The following TRMT44 variants were observed in gnomAD, a reference collection of about 807,000 sequenced individuals.
TRMT44 encodes tRNA methyltransferase 44 homolog.
Under a neutral mutation model 77.3 loss-of-function variants are expected in TRMT44, and 78 were observed. The ratio of observed to expected loss-of-function variants is 1.01; its 90% CI spans 0.84 to 1.22. The LOEUF (loss-of-function observed/expected upper bound fraction) is 1.22, where lower values mean the gene tolerates loss of function less well. TRMT44 is among the 50% of genes most tolerant of loss of function. TRMT44 has a pLI of 0.00. For synonymous variants in TRMT44, 391 were observed against 383.3 expected (o/e 1.02, Z -0.23); for missense variants, 1,090 against 964.4 (o/e 1.13, Z -1.73).
intron 2 of TRMT44, among the ~76,000 whole-genome samples, chr4:8,486,760 C>G (rs565926902): frequency 2.0e-4 from 30 of 152,180 alleles, no homozygotes; most frequent in African/African-American, 7.0e-4. Context: ...GAGTAAATTG[C>G]TGGGCAGATG....
intron 6 of TRMT44, among the ~76,000 whole-genome samples, chr4:8,459,832 G>A (rs1726038800): frequency 6.6e-6 from 1 of 152,216 alleles, no homozygotes; most frequent in Non-Finnish European, 1.5e-5. Context: ...ATGGGAAGGG[G>A]TGGGAGGCAG....
chr4:8,494,638 T>A (rs1297429065), downstream of TRMT44, among the ~76,000 whole-genome samples: 1 of 152,192 alleles, frequency 6.6e-6, no homozygotes, highest in Non-Finnish European at 1.5e-5. Flanking sequence ...CCTAAAAATG[T>A]ATAAAAGCAA....
At chr4:8,506,607 C>T in the TRMT44 span, among the ~76,000 whole-genome samples, 13,568 of 152,232 alleles carry the variant, frequency 0.089, 688 homozygotes, top group Middle Eastern at 0.12. Context: ...GGGGTCCTCT[C>T]GGGCTGGGAG....
chr4:8,505,846 A>C, the TRMT44 span, among the ~76,000 whole-genome samples: 1 of 152,072 alleles, frequency 6.6e-6, no homozygotes, highest in Non-Finnish European at 1.5e-5. Flanking sequence ...AGTTCTCATG[A>C]GGTTTGATGG....
intron 2 of TRMT44, among the ~76,000 whole-genome samples, chr4:8,491,148 G>A (rs535768835): frequency 6.6e-6 from 1 of 151,082 alleles, no homozygotes; most frequent in South Asian, 2.1e-4. Flanking sequence ...CAGAGTGTCC[G>A]ATTGGTGTAT....
chr4:8,500,490 C>T, the TRMT44 span, among the ~76,000 whole-genome samples: 11 of 151,792 alleles, frequency 7.2e-5, no homozygotes, highest in African/African-American at 2.7e-4. Context: ...AGCGAGACTC[C>T]CTCTGGAAAA....
At chr4:8,449,304 C>T (rs917483624) in intron 2 of TRMT44, among the ~76,000 whole-genome samples, 1 of 152,246 alleles carries the variant, frequency 6.6e-6, no homozygotes, top group Non-Finnish European at 1.5e-5. Flanking sequence ...CCAGTATACT[C>T]ATTTGAGTTG....
chr4:8,470,719 T>G (rs1726922049), intron 9 of TRMT44, among the ~76,000 whole-genome samples: 6 of 151,856 alleles, frequency 4.0e-5, no homozygotes, highest in Admixed American at 3.9e-4. Context: ...CAGCTTGGCC[T>G]TCCTTCTTTA....
chr4:8,462,637 G>A (rs1377089032), intron 6 of TRMT44, among the ~76,000 whole-genome samples: 1 of 149,668 alleles, frequency 6.7e-6, no homozygotes, highest in African/African-American at 2.5e-5. Context: ...CCTGGGAAGC[G>A]GAGGTTGCAG....
At chr4:8,479,000 G>A (rs566929880), downstream of TRMT44, 35 of 152,352 alleles carry the variant, frequency 2.3e-4, no homozygotes, top group South Asian at 1.0e-3. Flanking sequence ...CTCGTGGCAT[G>A]GCCAAGCCCT....
the TRMT44 span, among the ~76,000 whole-genome samples, chr4:8,515,429 G>A: frequency 2.6e-5 from 4 of 152,220 alleles, no homozygotes; most frequent in Non-Finnish European, 5.9e-5. Flanking sequence ...ATAGAATGAC[G>A]AGAGCAGTTG....
At chr4:8,480,867 A>C (rs1328973639), downstream of TRMT44, among the ~76,000 whole-genome samples, 1 of 152,234 alleles carries the variant, frequency 6.6e-6, no homozygotes, top group Non-Finnish European at 1.5e-5. Flanking sequence ...ATTACAAGTC[A>C]AGGAAGAAAA....
At chr4:8,445,569 CA>C (rs1403849447) in intron 1 of TRMT44, among the ~76,000 whole-genome samples, 2 of 152,238 alleles carry the variant, frequency 1.3e-5, no homozygotes, top group Non-Finnish European at 2.9e-5. Flanking sequence ...CCAGGTGCCC[CA>C]TGGCACACTC....
chr4:8,497,378 G>T (rs1211327433), downstream of TRMT44, among the ~76,000 whole-genome samples: 1 of 152,036 alleles, frequency 6.6e-6, no homozygotes, highest in Non-Finnish European at 1.5e-5. Context: ...GGGCACGGTG[G>T]CTCACGCCTG....
downstream of TRMT44, among the ~76,000 whole-genome samples, chr4:8,494,404 T>C (rs1728094908): frequency 6.6e-6 from 1 of 152,200 alleles, no homozygotes; most frequent in Non-Finnish European, 1.5e-5. Flanking sequence ...AATGCATACC[T>C]GATGGCTTCC....
downstream of TRMT44, among the ~76,000 whole-genome samples, chr4:8,498,180 C>G (rs1728204340): frequency 6.6e-6 from 1 of 152,150 alleles, no homozygotes; most frequent in Non-Finnish European, 1.5e-5. This position sits in a 1 kb window ranked among gnomAD's most constrained non-coding sequence, Gnocchi z 4.3. Flanking sequence ...GCTGTGAACT[C>G]CATCCCCTGA....
Position 8,461,238 on chromosome 4 carries a change from A to G in TRMT44, c.1204-2747A>G, listed in dbSNP as rs1398938130. Among the ~76,000 whole-genome samples, 1 of 152,246 alleles carries G rather than the reference A, an allele frequency of 6.6e-6. No homozygotes were observed. The highest frequency in any genetic ancestry group is 1.5e-5 in the Non-Finnish European group (1 of 68,014). On this transcript the variant is annotated intron_variant, in intron 6 of 10. Transcript: ENST00000389737. This position sits in a 1 kb window ranked among gnomAD's most constrained non-coding sequence, Gnocchi z 4.6. ...GTCCACTCATACATTACATTAGGAA[A>G]TGTTTTCAAAACCTCAGGTTTGAGG...
In TRMT44 at chr4:8,441,014, C is replaced by T; in HGVS notation, c.192C>T (p.Gly64=). 1 of 1,513,976 alleles carries T rather than the reference C, an allele frequency of 6.6e-7. No individual in the cohort carries two copies. Among genetic ancestry groups the T allele is most frequent in the Non-Finnish European group, 8.8e-7 (1 of 1,138,128 alleles). The allele number at this position is 1,513,976 out of a possible 1,614,324, so 93.8% of individuals were successfully genotyped here. ...AEARGPGTSA[G]SEQKERGPGP... The stretch of plus-strand genomic sequence containing the variant: ...CCCGCGGCCCCGGGACTAGCGCAGG[C>T]TCGGAGCAGAAGGAGCGGGGTCCGG... The change falls in exon 1 of 11, where the codon GGC becomes GGT. Residue 64 remains glycine, a synonymous_variant. Transcript: ENST00000389737.
chr4:8,463,998 C>T lies in TRMT44; in HGVS notation c.1217C>T (p.Thr406Ile), dbSNP rs764902038. The part of the protein sequence containing the change: ...PQTQLEEDAI[T>I]PNDKTLFPDV... ...TTATTCCTTTAGGAAGATGCAATCA[C>T]ACCCAATGATAAGACCCTTTTCCCT... The change falls in exon 7 of 11, where the codon ACA becomes ATA. Residue 406 changes from threonine to isoleucine, a missense_variant. Thr to Ile is a moderately conservative substitution (Grantham distance 89). Transcript: ENST00000389737. 2.8e-5 allele frequency: 45 copies of T among 1,613,784 alleles called. No individual in the cohort carries two copies. Among genetic ancestry groups the T allele is most frequent in the Non-Finnish European group, 3.6e-5 (43 of 1,179,812 alleles).
Sources: gnomAD v4.1 joint callset for allele counts (sites outside exome capture counted in the v4.1 genomes callset) on GRCh38, gnomAD v4.1.1 for gene constraint, Gnocchi (gnomAD v3.1) non-coding constraint, MANE v1.5 for transcripts, NCBI Gene and HGNC (gene_info 2026-07-23, HGNC 2026-07-21) for gene names.